Variants in RNF167 observed in about 807,000 individuals in gnomAD.
The protein encoded by RNF167 is E3 ubiquitin-protein ligase RNF167.
In RNF167, 19 loss-of-function variants were observed where a neutral mutation model predicts 34.8. The ratio of observed to expected loss-of-function variants is 0.55; its 90% CI spans 0.38 to 0.80. RNF167 has a LOEUF of 0.80. Among genes scored for constraint, RNF167 ranks in the 30% least tolerant of loss-of-function variants. RNF167 has a pLI of 0.00. For missense variants in RNF167, 464 were observed against 447.0 expected (o/e 1.04, Z -0.34); for synonymous variants, 200 against 170.4 (o/e 1.17, Z -1.35).
rs568193054 is a variant in RNF167, at chr17:4,945,012, T to C, written c.1049T>C (p.Val350Ala). The C allele has an allele frequency of 6.5e-7, 1 of 1,538,652 alleles. No homozygotes were observed. Among genetic ancestry groups the C allele is most frequent in the African/African-American group, 1.4e-5 (1 of 72,414 alleles). Residue 350 changes from valine to alanine, a missense_variant, in exon 10 of 10, where the codon GTC (valine) becomes GCC (alanine). Val to Ala is a moderately conservative substitution (Grantham distance 64). Coordinates refer to ENST00000262482, the MANE Select transcript of RNF167 (RefSeq NM_015528.3). The part of the protein sequence containing the change: ...LSPPSSPVIL[V>A] ...CCTCCCTCTTCCCCTGTTATCCTGG[T>C]CTAATAACCCCCCACACATACACCT... is the stretch of plus-strand genomic sequence containing the variant.
intron 6 of RNF167, 114 bp downstream of exon 6, chr17:4,943,055 C>T: frequency 1.5e-6 from 2 of 1,299,386 alleles, no homozygotes; most frequent in South Asian, 1.2e-5. Context: ...CCTTCCCTGC[C>T]TCTTTGACTT....
Position 4,942,399 on chromosome 17 carries a change from C to G in RNF167, c.224C>G (p.Pro75Arg). Reference sequence around the variant, plus strand: ...TGCAGCCCCATTGCCCCACCACCCCCAGCCCCGGTCAATGGGTCAGTCTTT... The same window carrying G: ...TGCAGCCCCATTGCCCCACCACCCCGAGCCCCGGTCAATGGGTCAGTCTTT... Reference protein sequence around the residue: ...NACSPIAPPPPAPVNGSVFIA... With the variant: ...NACSPIAPPPRAPVNGSVFIA... Residue 75 changes from proline (P) to arginine (R), a missense_variant, in exon 4 of 10, where the codon CCA (proline) becomes CGA (arginine). By Grantham distance (103) the Pro-to-Arg change is moderately radical. Transcript: ENST00000262482. 1.9e-6 allele frequency: 3 copies of G among 1,614,102 alleles called. No individual in the cohort carries two copies. Among genetic ancestry groups the G allele is most frequent in the Non-Finnish European group, 2.5e-6 (3 of 1,179,974 alleles).
rs374457470 is a variant in RNF167, at chr17:4,944,985, C to T, written c.1022C>T (p.Ser341Phe). 2 of 1,575,772 alleles carry T rather than the reference C, an allele frequency of 1.3e-6. No individual in the cohort carries two copies. The highest frequency in any genetic ancestry group is 1.4e-5 in the African/African-American group (1 of 73,554). Residue 341 changes from serine to phenylalanine, a missense_variant, in exon 10 of 10, where the codon TCC (serine) becomes TTC (phenylalanine). Transcript: ENST00000262482. ...GGGCCTTCAACAGATCCCCCACTGT[C>T]CCCTCCCTCTTCCCCTGTTATCCTG... ...FPGPSTDPPL[S>F]PPSSPVILV
chr17:4,942,044 A>G (rs1970863251), intron 3 of RNF167, among the ~76,000 whole-genome samples: 1 of 152,220 alleles, frequency 6.6e-6, no homozygotes, highest in Non-Finnish European at 1.5e-5. Flanking sequence ...TTGAATTACA[A>G]TTGGAATATT....
rs1157488530 is a variant in RNF167, at chr17:4,943,522, G to A, written c.670+3G>A. On this transcript the variant is annotated splice_donor_region_variant and intron_variant, in intron 8 of 9. Transcript: ENST00000262482. ...TCCTACACATGACTATCAGAAGGGT[G>A]AGGGGGTTAGGGGAGAAGAGGGCTT... is the stretch of plus-strand genomic sequence containing the variant. The A allele has an allele frequency of 6.2e-7, 1 of 1,610,124 alleles. No individual in the cohort carries two copies.
intron 6 of RNF167, 100 bp from the exon 7 acceptor site, chr17:4,943,079 G>A: frequency 7.6e-7 from 1 of 1,307,504 alleles, no homozygotes; most frequent in Admixed American, 1.9e-5. Context: ...TCCCATTCCT[G>A]TCCCCACCTA....
Position 4,942,619 on chromosome 17 carries a change from C to T in RNF167, c.334C>T (p.His112Tyr). Residue 112 changes from histidine (H) to tyrosine (Y), a missense_variant, in exon 5 of 10, where the codon CAC becomes TAC. His to Tyr is a moderately conservative substitution (Grantham distance 83, BLOSUM62 2). Coordinates refer to ENST00000262482, the MANE Select transcript of RNF167 (RefSeq NM_015528.3). ...GGCTGGATATGGTGCCGCTGTAGTA[C>T]ACAATGTGAATTCCAATGAACTTCT... ...QKAGYGAAVV[H>Y]NVNSNELLNM... 6.2e-7 allele frequency: 1 copy of T among 1,614,154 alleles called. No individual in the cohort carries two copies. The highest frequency in any genetic ancestry group is 8.5e-7 in the Non-Finnish European group (1 of 1,180,034).
chr17:4,940,799 G>T lies in RNF167; in HGVS notation c.-111G>T. ...ATGTAGCTGGGAAGTGGGACCTGGG[G>T]GTGGTTGGACCCCTGGGATCCTAAA... On this transcript the variant is annotated 5_prime_UTR_variant, in exon 2 of 10. Coordinates refer to ENST00000262482, the MANE Select transcript of RNF167 (RefSeq NM_015528.3). 3 of 939,948 alleles carry T rather than the reference G, an allele frequency of 3.2e-6. No individual in the cohort carries two copies. The highest frequency in any genetic ancestry group is 1.7e-5 in the African/African-American group (1 of 59,748). The allele number at this position is 939,948 out of a possible 1,614,324, so 58.2% of individuals were successfully genotyped here. A position where few individuals can be genotyped will look rare whatever the true frequency, so the allele number is the denominator to read the frequency against.
At chr17:4,941,411 C>T (rs549594994) in intron 3 of RNF167, among the ~76,000 whole-genome samples, 7 of 152,302 alleles carry the variant, frequency 4.6e-5, no homozygotes, top group Admixed American at 3.9e-4. Context: ...TGGACGAAGA[C>T]AGAAGGCAGG....
chr17:4,944,670 T>TGCCACCAGCA (rs780572223), intron 9 of RNF167, 32 bp downstream of exon 9: 1 of 1,614,096 alleles, frequency 6.2e-7, no homozygotes, highest in Non-Finnish European at 8.5e-7. Context: ...CATGCCCCTC[T>TGCCACCAGCA]GCCACCAGCA....
At position 4,941,217 on chromosome 17, in the gene RNF167, CTT is replaced by C. The variant is rs560001343; in HGVS notation, c.165+66_165+67del. On this transcript the variant is annotated intron_variant, in intron 3 of 9. Coordinates refer to ENST00000262482, the MANE Select transcript of RNF167 (RefSeq NM_015528.3). Reference sequence around the variant, plus strand: ...CCTTCCTTCCTTTTCTGTCTTTTTTCTTTTTTTAGTATTTCGCAAGATCCTCC... The same window carrying C: ...CCTTCCTTCCTTTTCTGTCTTTTTTCTTTTTAGTATTTCGCAAGATCCTCC... 97 of 1,496,728 alleles carry C rather than the reference CTT, an allele frequency of 6.5e-5. No homozygotes were observed. In the African/African-American group the frequency reaches 1.1e-3, roughly 16 times the overall value. The allele number at this position is 1,496,728 out of a possible 1,614,324, so 92.7% of individuals were successfully genotyped here.
chr17:4,941,879 T>A (rs1970843912), intron 3 of RNF167, among the ~76,000 whole-genome samples: 1 of 151,948 alleles, frequency 6.6e-6, no homozygotes, highest in South Asian at 2.1e-4. Context: ...ATCGCGCCAC[T>A]GCACTCCAGC....
At chr17:4,944,669 C>CT in intron 9 of RNF167, 31 bp downstream of exon 9, 1 of 1,614,158 alleles carries the variant, frequency 6.2e-7, no homozygotes, top group African/African-American at 1.3e-5. Flanking sequence ...CCATGCCCCT[C>CT]TGCCACCAGC....
At chr17:4,942,105 C>T (rs1022171765) in intron 3 of RNF167, among the ~76,000 whole-genome samples, 22 of 152,082 alleles carry the variant, frequency 1.4e-4, no homozygotes, top group Admixed American at 6.6e-5. Flanking sequence ...CAGATTAGCC[C>T]ATCTGGGACA....
Position 4,942,407 on chromosome 17 carries a change from G to A in RNF167, c.232G>A (p.Val78Ile). The change falls in exon 4 of 10, where the codon GTC becomes ATC. Residue 78 changes from valine to isoleucine, a missense_variant. Physicochemically the swap from Val to Ile is conservative, Grantham distance 29. Coordinates refer to ENST00000262482, the MANE Select transcript of RNF167 (RefSeq NM_015528.3). ...CATTGCCCCACCACCCCCAGCCCCG[G>A]TCAATGGGTCAGTCTTTATTGCGCT... Reference protein sequence around the residue: ...SPIAPPPPAPVNGSVFIALLR... With the variant: ...SPIAPPPPAPINGSVFIALLR... 1 of 1,614,166 alleles carries A rather than the reference G, an allele frequency of 6.2e-7. No homozygotes were observed. The highest frequency in any genetic ancestry group is 8.5e-7 in the Non-Finnish European group (1 of 1,180,008).
intron 9 of RNF167, 30 bp from the exon 10 acceptor site, chr17:4,944,685 C>G (rs1319620328): frequency 6.2e-7 from 1 of 1,614,174 alleles, no homozygotes; most frequent in East Asian, 2.2e-5. Flanking sequence ...CCAGCAGCCA[C>G]CAGGTGCTTC....
chr17:4,940,150 C>A, upstream of RNF167: 2 of 408,608 alleles, frequency 4.9e-6, no homozygotes, highest in Non-Finnish European at 8.5e-6. Flanking sequence ...GATTTGGAAA[C>A]CAGAGGAAAG....
chr17:4,944,315 C>T (rs868571183), intron 8 of RNF167: 88 of 888,844 alleles, frequency 9.9e-5, no homozygotes, highest in Middle Eastern at 7.9e-4. Flanking sequence ...CCGTTCCTTC[C>T]ACTCCCTATC....
chr17:4,943,141 C>G, intron 6 of RNF167, 38 bp from the exon 7 acceptor site: 2 of 1,580,992 alleles, frequency 1.3e-6, no homozygotes, highest in Non-Finnish European at 1.7e-6. Context: ...CTCCCTTTGC[C>G]TTTCTCGCCC....
Sources: allele counts gnomAD v4.1 joint callset (sites outside exome capture counted in the v4.1 genomes callset), GRCh38; gene constraint gnomAD v4.1.1; transcripts MANE v1.5; gene names NCBI Gene and HGNC (gene_info 2026-07-23, HGNC 2026-07-21).